The following PRKRA variants were observed in gnomAD, a reference collection of about 807,000 sequenced individuals.
The protein encoded by PRKRA is interferon-inducible double-stranded RNA-dependent protein kinase activator A.
In PRKRA, 22 loss-of-function variants were observed where a neutral mutation model predicts 32.4. The ratio of observed to expected loss-of-function variants is 0.68; its 90% CI spans 0.49 to 0.97. The LOEUF (loss-of-function observed/expected upper bound fraction) is 0.97, where lower values mean the gene tolerates loss of function less well. Ranked by LOEUF, PRKRA falls within the 50% of genes least tolerant of loss-of-function variation. The pLI is 0.00. For missense variants in PRKRA, 319 were observed against 375.6 expected (o/e 0.85, Z 1.25); for synonymous variants, 139 against 129.8 (o/e 1.07, Z -0.48).
chr2:178,451,139 A>C lies in PRKRA; in HGVS notation c.-109T>G, dbSNP rs1697624048. On this transcript the variant is annotated 5_prime_UTR_variant, in exon 1 of 8. Coordinates refer to ENST00000325748, the MANE Select transcript of PRKRA (RefSeq NM_003690.5). ...AGCTCCAGCGCCGCCACCTCCTCCG[A>C]CTCCCCCGCCTCCTGCTTGCGTTGC... is the stretch of plus-strand genomic sequence containing the variant. 7 of 1,294,022 alleles carry C rather than the reference A, an allele frequency of 5.4e-6. No individual in the cohort carries two copies. The East Asian group carries it at 1.6e-4, about 30-fold the overall frequency. 80.2% of individuals were successfully genotyped at this position (1,294,022 alleles called of 1,614,324 possible). A position where few individuals can be genotyped will look rare whatever the true frequency, so the allele number is the denominator to read the frequency against.
Position 178,450,382 on chromosome 2 carries a change from C to G in PRKRA, c.95G>C (p.Gly32Ala), listed in dbSNP as rs1265889947. ...SLGKMITAKP[G>A]KTPIQVLHEY... ...GTGTAATACCTGAATCGGTGTTTTC[C>G]CTGGCTTAGCTGTTATCATCTTCCC... Residue 32 changes from glycine (G) to alanine (A), a missense_variant, in exon 2 of 8, where the codon GGG (glycine) becomes GCG (alanine). Transcript: ENST00000325748. The G allele has an allele frequency of 6.2e-7, 1 of 1,614,132 alleles. No homozygotes were observed. Among genetic ancestry groups the G allele is most frequent in the Non-Finnish European group, 8.5e-7 (1 of 1,180,050 alleles).
chr2:178,444,545 G>A (rs201120161), intron 3 of PRKRA, 45 bp from the exon 4 acceptor site: 13 of 892,102 alleles, frequency 1.5e-5, no homozygotes, highest in African/African-American at 3.9e-5. Context: ...AATTTCCCCC[G>A]AATTATGAAA....
At chr2:178,436,846 A>G (rs1247209893) in intron 6 of PRKRA, among the ~76,000 whole-genome samples, 1 of 152,182 alleles carries the variant, frequency 6.6e-6, no homozygotes, top group Admixed American at 6.5e-5. Context: ...AAATGACAGG[A>G]TGTCAAAAAG....
At chr2:178,450,893 GGCCGGCTCCCCGCGCCCCGGCCCT>G (rs1575106166) in intron 1 of PRKRA, 49 bp downstream of exon 1, 1 of 1,506,572 alleles carries the variant, frequency 6.6e-7, no homozygotes, top group East Asian at 2.6e-5. Context: ...GCCTCTGGAG[GGCCGGCTCCCCGCGCCCCGGCCCT>G]GCCGCCCAAC....
chr2:178,438,520 G>C (rs947720456), intron 6 of PRKRA, among the ~76,000 whole-genome samples: 2 of 152,112 alleles, frequency 1.3e-5, no homozygotes, highest in African/African-American at 2.4e-5. Flanking sequence ...CCAGTAACTT[G>C]TCTGACAAGT....
intron 6 of PRKRA, chr2:178,439,751 A>C (rs1411769536): frequency 6.6e-6 from 1 of 152,132 alleles, no homozygotes. Flanking sequence ...TTTTATCAGT[A>C]ATGATTGCTG....
chr2:178,444,136 C>T (rs1409811038), intron 4 of PRKRA: 4 of 315,832 alleles, frequency 1.3e-5, no homozygotes, highest in Non-Finnish European at 5.9e-6. Context: ...ACAAGAGTAG[C>T]AAGAACTATT....
chr2:178,447,357 G>T, intron 3 of PRKRA, 148 bp downstream of exon 3: 1 of 1,377,952 alleles, frequency 7.3e-7, no homozygotes, highest in Non-Finnish European at 9.9e-7. Context: ...TTCTTTAATG[G>T]ATGATAAGTT....
At position 178,431,701 on chromosome 2, in the gene PRKRA, C is replaced by G. The variant is rs2154124396; in HGVS notation, c.*396G>C. The G allele has an allele frequency of 3.7e-6, 1 of 271,764 alleles. No individual in the cohort carries two copies. The highest frequency in any genetic ancestry group is 2.2e-5 in the African/African-American group (1 of 45,226). The allele number at this position is 271,764 out of a possible 1,614,324, so 16.8% of individuals were successfully genotyped here. A position where few individuals can be genotyped will look rare whatever the true frequency, so the allele number is the denominator to read the frequency against. On this transcript the variant is annotated 3_prime_UTR_variant, in exon 8 of 8. Transcript: ENST00000325748. ...GGCCTGTTAGTGCTGTCCCTCAAGA[C>G]TCTAATTCTAAAGGGCTTCCTTTGA... is the stretch of plus-strand genomic sequence containing the variant.
Position 178,436,319 on chromosome 2 carries a change from T to C in PRKRA, c.610A>G (p.Thr204Ala), listed in dbSNP as rs747691974. ...NISPENHISLTNVVGHSLGCT... is the reference protein window; with the variant it reads ...NISPENHISLANVVGHSLGCT... ...CCTAAAGAATGTCCTACTACATTTG[T>C]CTGAAAAACAGAGATGAAGATTTAG... The change falls in exon 7 of 8, where the codon ACA becomes GCA. Residue 204 changes from threonine to alanine, a missense_variant and splice_region_variant. Thr to Ala is a moderately conservative substitution (Grantham distance 58). Coordinates refer to ENST00000325748, the MANE Select transcript of PRKRA (RefSeq NM_003690.5). The C allele has an allele frequency of 4.3e-6, 7 of 1,611,628 alleles. No homozygotes were observed. Among genetic ancestry groups the C allele is most frequent in the African/African-American group, 1.3e-5 (1 of 74,808 alleles).
At chr2:178,436,384 T>A in intron 6 of PRKRA, 65 bp from the exon 7 acceptor site, 1 of 1,030,292 alleles carries the variant, frequency 9.7e-7, no homozygotes. Context: ...CGTACCAGTA[T>A]CATTAAAAGT....
At position 178,450,276 on chromosome 2, in the gene PRKRA, G is replaced by C. The variant is rs1227739315; in HGVS notation, c.201C>G (p.Thr67=). 6.2e-7 allele frequency: 1 copy of C among 1,614,292 alleles called. No individual in the cohort carries two copies. Among genetic ancestry groups the C allele is most frequent in the Admixed American group, 1.7e-5 (1 of 60,038 alleles). Residue 67 remains threonine, a synonymous_variant, in exon 2 of 8, where the codon ACC becomes ACG. Coordinates refer to ENST00000325748, the MANE Select transcript of PRKRA (RefSeq NM_003690.5). ...TTATGTCACCAACGGTTACTCTGAA[G>C]GTGAAAGTGGGCACGTGTATTTGCA... ...SDVQIHVPTF[T]FRVTVGDITC... is the part of the protein sequence containing the mutation.
At chr2:178,447,216 GTTAATA>G (rs752805871) in intron 3 of PRKRA, 23 of 346,738 alleles carry the variant, frequency 6.6e-5, no homozygotes, top group African/African-American at 1.1e-4. Flanking sequence ...AATACAAAAT[GTTAATA>G]TTAATATTTG....
rs374238308 is a variant in PRKRA, at chr2:178,431,870, T to C, written c.*227A>G. On this transcript the variant is annotated 3_prime_UTR_variant, in exon 8 of 8. Transcript: ENST00000325748. ...GCACTGTAAAATGGGTGCTACACTC[T>C]CTCTTGTGGTACAAAGTTTATAAAT... 20 of 587,334 alleles carry C rather than the reference T, an allele frequency of 3.4e-5. No homozygotes were observed. The highest frequency in any genetic ancestry group is 3.2e-4 in the South Asian group (16 of 49,364). The allele number at this position is 587,334 out of a possible 1,614,324, so 36.4% of individuals were successfully genotyped here. A position where few individuals can be genotyped will look rare whatever the true frequency, so the allele number is the denominator to read the frequency against.
rs571805504 is a variant in PRKRA at position 178,446,980 on chromosome 2, G to A, written c.317+525C>T. 1.0e-4 allele frequency among the ~76,000 whole-genome samples: 12 copies of A among 119,188 alleles called. No homozygotes were observed. The East Asian group carries it at 1.6e-3, about 16-fold the overall frequency. The allele number at this position is 119,188 out of a possible 152,430, so 78.2% of individuals were successfully genotyped here. A position where few individuals can be genotyped will look rare whatever the true frequency, so the allele number is the denominator to read the frequency against. On this transcript the variant is annotated intron_variant, in intron 3 of 7. Transcript: ENST00000325748. ...TGCACTCCAGACTGGGCGACAGAGCGAGACTCCGTCTCAAAAAAAAAAAAA... is the reference window on the plus strand; with the variant it reads ...TGCACTCCAGACTGGGCGACAGAGCAAGACTCCGTCTCAAAAAAAAAAAAA...
At position 178,450,957 on chromosome 2, in the gene PRKRA, C is replaced by T; in HGVS notation, c.65+9G>A. Reference sequence around the variant, plus strand: ...CCGGCCCTGGGGCCCTGACTGCCCGCACGCTGACCTGAAGGTCCCACTGTC... The same window carrying T: ...CCGGCCCTGGGGCCCTGACTGCCCGTACGCTGACCTGAAGGTCCCACTGTC... On this transcript the variant is annotated intron_variant, in intron 1 of 7. Coordinates refer to ENST00000325748, the MANE Select transcript of PRKRA (RefSeq NM_003690.5). 1 of 772,688 alleles carries T rather than the reference C, an allele frequency of 1.3e-6. No homozygotes were observed. The highest frequency in any genetic ancestry group is 1.9e-5 in the South Asian group (1 of 52,572). 47.9% of individuals were successfully genotyped at this position (772,688 alleles called of 1,614,324 possible). A position where few individuals can be genotyped will look rare whatever the true frequency, so the allele number is the denominator to read the frequency against.
intron 1 of PRKRA, chr2:178,450,724 C>A (rs1383010020): frequency 1.2e-5 from 17 of 1,371,910 alleles, no homozygotes; most frequent in South Asian, 7.3e-5. Context: ...CCTTCCCGGG[C>A]GCGCCGACCG....
intron 3 of PRKRA, among the ~76,000 whole-genome samples, chr2:178,444,847 C>T (rs1697255614): frequency 6.6e-6 from 1 of 152,192 alleles, no homozygotes; most frequent in Admixed American, 6.5e-5. Context: ...ACACCTCTCC[C>T]CTGTTCAGAC....
chr2:178,443,500 C>T lies in PRKRA; in HGVS notation c.397-116G>A, dbSNP rs921577102. On this transcript the variant is annotated intron_variant, in intron 4 of 7. Transcript: ENST00000325748. The stretch of plus-strand genomic sequence containing the variant: ...TATGTTTGAAAAGAATAGTGATATT[C>T]TGCAACAGAAAAAAGAGGGAAGACC... 2.9e-5 allele frequency: 18 copies of T among 611,982 alleles called. No individual in the cohort carries two copies. The East Asian group carries it at 5.3e-4, about 18-fold the overall frequency. The allele number at this position is 611,982 out of a possible 1,614,324, so 37.9% of individuals were successfully genotyped here.
Sources: allele counts gnomAD v4.1 joint callset (sites outside exome capture counted in the v4.1 genomes callset), GRCh38; gene constraint gnomAD v4.1.1; transcripts MANE v1.5; gene names NCBI Gene and HGNC (gene_info 2026-07-23, HGNC 2026-07-21).